The following NELL2 variants were observed in gnomAD, a reference collection of about 807,000 sequenced individuals.
The protein encoded by NELL2 is neural EGFL like 2.
In NELL2, 41 loss-of-function variants were observed where a neutral mutation model predicts 109.6. The observed-to-expected ratio is 0.37, with a 90% CI of 0.29 to 0.49. The LOEUF is 0.49. Among genes scored for constraint, NELL2 ranks in the 20% least tolerant of loss-of-function variants. The pLI is 0.98. For synonymous variants in NELL2, 355 were observed against 344.7 expected (o/e 1.03, Z -0.33); for missense variants, 900 against 1,008.3 (o/e 0.89, Z 1.45).
intron 2 of NELL2, among the ~76,000 whole-genome samples, chr12:44,863,821 G>A (rs1944910464): frequency 6.6e-6 from 1 of 152,054 alleles, no homozygotes. Context: ...AAGGTTAAAA[G>A]TCAAAACTAT....
chr12:44,738,952 C>T (rs1424784445), intron 9 of NELL2, among the ~76,000 whole-genome samples: 1 of 152,128 alleles, frequency 6.6e-6, no homozygotes, highest in African/African-American at 2.4e-5. Context: ...TATAAAGATT[C>T]AGACATATTG....
At chr12:44,804,646 A>T (rs1942940805) in intron 3 of NELL2, among the ~76,000 whole-genome samples, 1 of 151,944 alleles carries the variant, frequency 6.6e-6, no homozygotes. Flanking sequence ...TCAAGGGCTT[A>T]AAGAGTATTT....
intron 9 of NELL2, among the ~76,000 whole-genome samples, chr12:44,738,283 T>C (rs1939759223): frequency 6.6e-6 from 1 of 152,124 alleles, no homozygotes; most frequent in Non-Finnish European, 1.5e-5. Context: ...AACATAGATC[T>C]AGCAATACCA....
chr12:44,529,488 C>T (rs1016940741), intron 16 of NELL2, among the ~76,000 whole-genome samples: 5 of 151,840 alleles, frequency 3.3e-5, no homozygotes, highest in African/African-American at 1.2e-4. Context: ...ATTAGGGATA[C>T]ATAGACGGCA....
At chr12:44,705,549 T>C (rs1183131659) in intron 11 of NELL2, among the ~76,000 whole-genome samples, 1 of 152,176 alleles carries the variant, frequency 6.6e-6, no homozygotes, top group Non-Finnish European at 1.5e-5. Context: ...ATTTCCTTCT[T>C]CTTTAAATAG....
chr12:44,689,005 G>A (rs1048021842), intron 12 of NELL2, among the ~76,000 whole-genome samples: 2 of 152,154 alleles, frequency 1.3e-5, no homozygotes, highest in Non-Finnish European at 2.9e-5. Flanking sequence ...AAAACTCAAA[G>A]TCATACCAGA....
rs1269819660 is a variant in NELL2, at chr12:44,662,984, T to C, written c.1444+2500A>G. The stretch of plus-strand genomic sequence containing the variant: ...GTCTCCTACTACAAGTATGTGGGTG[T>C]CTGTTACTAAAATTTAGAAAAAAAT... On this transcript the variant is annotated intron_variant, in intron 13 of 19. Transcript: ENST00000429094. 3.3e-5 allele frequency among the ~76,000 whole-genome samples: 5 copies of C among 152,170 alleles called. No individual in the cohort carries two copies. In the South Asian group the frequency reaches 8.3e-4, roughly 25 times the overall value.
chr12:44,902,760 C>A (rs1945676218), intron 1 of NELL2, among the ~76,000 whole-genome samples: 1 of 152,122 alleles, frequency 6.6e-6, no homozygotes, highest in South Asian at 2.1e-4. Flanking sequence ...ACATCTACAA[C>A]CATCTGATCT....
In NELL2 at chr12:44,839,994, G is replaced by A. The variant is rs142647479; in HGVS notation, c.185-23858C>T. ...GTTACTACCCTTTCAACCTCATCCC[G>A]GGCCACTCTCCCACATGTGTGCTGC... is the stretch of plus-strand genomic sequence containing the variant. On this transcript the variant is annotated intron_variant, in intron 2 of 19. Transcript: ENST00000429094. Among the ~76,000 whole-genome samples the A allele has an allele frequency of 8.5e-4, 129 of 152,118 alleles. 1 individual carries two copies. The highest frequency in any genetic ancestry group is 3.9e-3 in the Admixed American group (60 of 15,286).
chr12:44,662,785 G>C (rs1265617988), intron 13 of NELL2, among the ~76,000 whole-genome samples: 1 of 152,096 alleles, frequency 6.6e-6, no homozygotes, highest in Non-Finnish European at 1.5e-5. Flanking sequence ...TTTCCACATG[G>C]GATAAGCAAC....
chr12:44,783,931 T>C (rs770042608), intron 3 of NELL2, among the ~76,000 whole-genome samples: 1 of 151,940 alleles, frequency 6.6e-6, no homozygotes, highest in Non-Finnish European at 1.5e-5. Context: ...TAACAAAATG[T>C]TAACAAATAT....
chr12:44,763,293 G>T (rs1941198711), intron 9 of NELL2, among the ~76,000 whole-genome samples: 1 of 152,118 alleles, frequency 6.6e-6, no homozygotes, highest in South Asian at 2.1e-4. Context: ...ACATAGATGG[G>T]CGAATTATTA....
chr12:44,729,778 G>C (rs528487620), intron 9 of NELL2, among the ~76,000 whole-genome samples: 1 of 151,942 alleles, frequency 6.6e-6, no homozygotes, highest in South Asian at 2.1e-4. Flanking sequence ...ACCACACCAG[G>C]CCTTTTTGTT....
At chr12:44,654,165 A>G (rs1158351416) in intron 13 of NELL2, among the ~76,000 whole-genome samples, 1 of 152,162 alleles carries the variant, frequency 6.6e-6, no homozygotes, top group African/African-American at 2.4e-5. Flanking sequence ...TGCTGTAATG[A>G]TTGATTTACA....
chr12:44,686,394 T>G (rs1175847044), intron 12 of NELL2, among the ~76,000 whole-genome samples: 1 of 152,248 alleles, frequency 6.6e-6, no homozygotes, highest in Non-Finnish European at 1.5e-5. Flanking sequence ...TTTGATCGTC[T>G]GAAGCCTTCT....
At chr12:44,825,236 A>G (rs576115474) in intron 2 of NELL2, among the ~76,000 whole-genome samples, 1 of 152,262 alleles carries the variant, frequency 6.6e-6, no homozygotes, top group African/African-American at 2.4e-5. Flanking sequence ...CTTCCAATCC[A>G]TGAACACAGG....
At chr12:44,752,885 T>G (rs1940714983) in intron 9 of NELL2, among the ~76,000 whole-genome samples, 1 of 152,126 alleles carries the variant, frequency 6.6e-6, no homozygotes, top group Non-Finnish European at 1.5e-5. Flanking sequence ...TAGGCCTAAG[T>G]CCTCTTGCTA....
At chr12:44,685,059 CTT>C (rs1948667861) in intron 12 of NELL2, among the ~76,000 whole-genome samples, 1 of 152,004 alleles carries the variant, frequency 6.6e-6, no homozygotes. Context: ...GTCTAAGTCT[CTT>C]TGTAGGTCAC....
At chr12:44,746,599 C>T (rs34107375) in intron 9 of NELL2, among the ~76,000 whole-genome samples, 3,748 of 151,958 alleles carry the variant, frequency 0.025, 155 homozygotes, top group African/African-American at 0.085. Flanking sequence ...AACAAATTTA[C>T]AAGAAAAAAA....
Sources: allele counts gnomAD v4.1 joint callset (sites outside exome capture counted in the v4.1 genomes callset), GRCh38; gene constraint gnomAD v4.1.1; transcripts MANE v1.5; gene names NCBI Gene and HGNC (gene_info 2026-07-23, HGNC 2026-07-21).